GAB2: variants seen among roughly 807,000 people sequenced by gnomAD.
GAB2 encodes the protein GRB2 associated binding protein 2, also known as GRB2-associated-binding protein 2.
In GAB2, 26 loss-of-function variants were observed where a neutral mutation model predicts 65.5. The observed-to-expected ratio is 0.40, with a 90% CI of 0.29 to 0.55. The LOEUF (loss-of-function observed/expected upper bound fraction) is 0.55. Among genes scored for constraint, GAB2 ranks in the 20% least tolerant of loss-of-function variants. GAB2 has a pLI of 0.53. For synonymous variants in GAB2, 321 were observed against 329.6 expected (o/e 0.97, Z 0.28); for missense variants, 884 against 875.8 (o/e 1.01, Z -0.12).
At chr11:78,342,509 C>T (rs923444618) in intron 1 of GAB2, among the ~76,000 whole-genome samples, 18 of 150,700 alleles carry the variant, frequency 1.2e-4, no homozygotes, top group Non-Finnish European at 7.4e-5. Context: ...CCCGGTTTCA[C>T]GCCATTCTTC....
intron 1 of GAB2, among the ~76,000 whole-genome samples, chr11:78,343,098 G>C (rs755838280): frequency 6.6e-6 from 1 of 152,030 alleles, no homozygotes; most frequent in Non-Finnish European, 1.5e-5. Context: ...ATATAAATTA[G>C]TTACTTTTTT....
chr11:78,341,297 C>T (rs940606181), intron 1 of GAB2, among the ~76,000 whole-genome samples: 3 of 152,080 alleles, frequency 2.0e-5, no homozygotes, highest in African/African-American at 7.2e-5. Flanking sequence ...ATGCTCTAGG[C>T]ATATTGGTAA....
At chr11:78,337,954 C>T (rs982546573) in intron 1 of GAB2, among the ~76,000 whole-genome samples, 1 of 152,192 alleles carries the variant, frequency 6.6e-6, no homozygotes, top group Non-Finnish European at 1.5e-5. Context: ...AAGGCCTGGA[C>T]TACATTATCC....
At chr11:78,350,705 GTTCCTCAT>G (rs1345937521) in intron 1 of GAB2, among the ~76,000 whole-genome samples, 1 of 152,184 alleles carries the variant, frequency 6.6e-6, no homozygotes, top group East Asian at 1.9e-4. Flanking sequence ...TTTTCTGGTT[GTTCCTCAT>G]TTCCATTCCT....
chr11:78,357,091 T>C (rs769905549), intron 1 of GAB2, among the ~76,000 whole-genome samples: 1 of 152,218 alleles, frequency 6.6e-6, no homozygotes. Context: ...GTGATGGTCA[T>C]GCAACAATGT....
At chr11:78,245,153 T>C (rs1038793256) in intron 3 of GAB2, among the ~76,000 whole-genome samples, 1 of 152,128 alleles carries the variant, frequency 6.6e-6, no homozygotes, top group Non-Finnish European at 1.5e-5. Context: ...TTTCAGGGCC[T>C]GAGGGAAGGG....
chr11:78,239,211 A>G (rs1590956387), intron 3 of GAB2, among the ~76,000 whole-genome samples: 1 of 152,064 alleles, frequency 6.6e-6, no homozygotes, highest in Middle Eastern at 3.4e-3. Context: ...TTTAAATTTT[A>G]ATTTAATTTA....
At chr11:78,231,201 T>C (rs936992779) in intron 3 of GAB2, among the ~76,000 whole-genome samples, 8 of 152,198 alleles carry the variant, frequency 5.3e-5, no homozygotes, top group African/African-American at 1.7e-4. Flanking sequence ...AAAAAGAAGT[T>C]TGAGAGAAGA....
In GAB2 at chr11:78,406,381, A is replaced by ATTTTT. The variant is rs56317311; in HGVS notation, c.75+11260_75+11264dup. Reference sequence around the variant, plus strand: ...CACAATACAAAAATGTCCACGTTTAATTTTTTTTTTTTTTGAGACAGAATC... The same window carrying ATTTTT: ...CACAATACAAAAATGTCCACGTTTAATTTTTTTTTTTTTTTTTTTGAGACAGAATC... On this transcript the variant is annotated intron_variant, in intron 1 of 9. Coordinates refer to ENST00000361507, the MANE Select transcript of GAB2 (RefSeq NM_080491.3). Among the ~76,000 whole-genome samples, 14 of 147,842 alleles carry ATTTTT rather than the reference A, an allele frequency of 9.5e-5. No individual in the cohort carries two copies. In the South Asian group the frequency reaches 2.6e-3, roughly 27 times the overall value.
intron 1 of GAB2, among the ~76,000 whole-genome samples, chr11:78,359,441 G>T (rs1388217226): frequency 6.6e-6 from 1 of 152,054 alleles, no homozygotes; most frequent in Non-Finnish European, 1.5e-5. Flanking sequence ...AATGTGCTAA[G>T]AAAAAATAAC....
At chr11:78,362,020 G>A (rs765412884) in intron 1 of GAB2, among the ~76,000 whole-genome samples, 1 of 151,774 alleles carries the variant, frequency 6.6e-6, no homozygotes, top group Non-Finnish European at 1.5e-5. Context: ...TTTTAAAAAG[G>A]CATGGGGAAG....
chr11:78,354,914 G>A (rs2134709527), intron 1 of GAB2, among the ~76,000 whole-genome samples: 1 of 152,328 alleles, frequency 6.6e-6, no homozygotes, highest in South Asian at 2.1e-4. Context: ...TGGAACACAT[G>A]CGGTGCAAGT....
intron 1 of GAB2, among the ~76,000 whole-genome samples, chr11:78,285,652 A>G (rs1866459068): frequency 6.6e-6 from 1 of 152,114 alleles, no homozygotes; most frequent in African/African-American, 2.4e-5. Flanking sequence ...TTTTTAGTAG[A>G]GACGGGGTTT....
intron 3 of GAB2, among the ~76,000 whole-genome samples, chr11:78,227,789 G>C (rs1424975635): frequency 1.3e-5 from 2 of 151,990 alleles, no homozygotes; most frequent in Admixed American, 6.6e-5. Flanking sequence ...AACAGAATGA[G>C]ACCCTGTTTC....
At chr11:78,245,154 G>C (rs928248780) in intron 3 of GAB2, among the ~76,000 whole-genome samples, 1 of 152,168 alleles carries the variant, frequency 6.6e-6, no homozygotes. Context: ...TTCAGGGCCT[G>C]AGGGAAGGGG....
intron 1 of GAB2, among the ~76,000 whole-genome samples, chr11:78,375,237 T>C (rs1219942821): frequency 1.3e-5 from 2 of 152,198 alleles, no homozygotes; most frequent in East Asian, 3.9e-4. Context: ...ATTAAACTAC[T>C]ACTACTACAA....
At chr11:78,365,782 C>A (rs1856488632) in intron 1 of GAB2, among the ~76,000 whole-genome samples, 1 of 152,118 alleles carries the variant, frequency 6.6e-6, no homozygotes, top group Non-Finnish European at 1.5e-5. Flanking sequence ...AGCCTTCATC[C>A]AAAAATAACT....
chr11:78,411,436 C>T (rs115906804), intron 1 of GAB2, among the ~76,000 whole-genome samples: 3,063 of 152,176 alleles, frequency 0.02, 85 homozygotes, highest in African/African-American at 0.07. Flanking sequence ...AGGAATCAGG[C>T]TACCAGATTT....
intron 1 of GAB2, among the ~76,000 whole-genome samples, chr11:78,282,453 T>C (rs187427418): frequency 6.6e-6 from 1 of 152,096 alleles, no homozygotes; most frequent in African/African-American, 2.4e-5. Context: ...GGATTACAGA[T>C]GCCCACCACC....
Sources: gnomAD v4.1 joint callset for allele counts (sites outside exome capture counted in the v4.1 genomes callset) on GRCh38, gnomAD v4.1.1 for gene constraint, MANE v1.5 for transcripts, NCBI Gene and HGNC (gene_info 2026-07-23, HGNC 2026-07-21) for gene names.